The following RANBP2 variants were observed in gnomAD, a reference collection of about 807,000 sequenced individuals.
RANBP2 encodes E3 SUMO-protein ligase RanBP2.
RANBP2 carries 57 observed loss-of-function variants against 303.6 expected under a neutral mutation model. That is an observed-to-expected ratio of 0.19 (90% CI 0.15 to 0.23). RANBP2 has a LOEUF of 0.23. Ranked by LOEUF, RANBP2 falls within the 10% of genes least tolerant of loss-of-function variation. The probability of loss-of-function intolerance (pLI) is 1.00; values close to 1 mark genes in which losing one functional copy is unlikely to be tolerated. For missense variants in RANBP2, 3,138 were observed against 3,780.8 expected, an observed-to-expected ratio of 0.83 and a Z score of 4.46; for synonymous variants, 1,167 against 1,301.5, an observed-to-expected ratio of 0.90 and a Z score of 2.23.
At chr2:108,727,416 A>G (rs1055741488) in intron 1 of RANBP2, among the ~76,000 whole-genome samples, 4 of 152,140 alleles carry the variant, frequency 2.6e-5, no homozygotes, top group Admixed American at 2.6e-4. Context: ...CTTAGTTGAG[A>G]TGGACAAGAC....
the RANBP2 span, among the ~76,000 whole-genome samples, chr2:109,326,284 TAC>T: frequency 1.3e-5 from 2 of 152,238 alleles, no homozygotes; most frequent in African/African-American, 4.8e-5. Flanking sequence ...TTATGTAGTG[TAC>T]AGTTTTTCAT....
chr2:109,590,075 T>C, the RANBP2 span, among the ~76,000 whole-genome samples: 33 of 147,098 alleles, frequency 2.2e-4, no homozygotes, highest in East Asian at 6.0e-3. Context: ...TACACACACA[T>C]ATATATGTAT....
chr2:109,455,616 G>A, the RANBP2 span, among the ~76,000 whole-genome samples: 726 of 152,306 alleles, frequency 4.8e-3, 4 homozygotes, highest in African/African-American at 0.017. Flanking sequence ...GAAATCTTGA[G>A]GATGAAGCTC....
chr2:109,303,894 A>G, the RANBP2 span, among the ~76,000 whole-genome samples: 2 of 152,018 alleles, frequency 1.3e-5, no homozygotes, highest in African/African-American at 2.4e-5. Context: ...CATTGTTATT[A>G]TTTTTGGTAA....
the RANBP2 span, among the ~76,000 whole-genome samples, chr2:109,052,006 C>G: frequency 6.6e-6 from 1 of 152,214 alleles, no homozygotes; most frequent in Non-Finnish European, 1.5e-5. Context: ...CCTCGGCCTC[C>G]CAAAGTGCTG....
chr2:109,595,664 A>C, the RANBP2 span, among the ~76,000 whole-genome samples: 3 of 152,196 alleles, frequency 2.0e-5, no homozygotes, highest in Admixed American at 6.5e-5. Context: ...AAAAATCCCT[A>C]AACACCAGAA....
the RANBP2 span, among the ~76,000 whole-genome samples, chr2:109,110,107 A>G: frequency 6.6e-6 from 1 of 152,192 alleles, no homozygotes; most frequent in Non-Finnish European, 1.5e-5. Flanking sequence ...GCTGGAATAT[A>G]GAGCAGGGAG....
the RANBP2 span, among the ~76,000 whole-genome samples, chr2:109,079,270 T>C: frequency 2.6e-5 from 4 of 152,180 alleles, no homozygotes; most frequent in Non-Finnish European, 5.9e-5. Context: ...ATTTTCTTAA[T>C]ATTTTCTTTT....
At chr2:109,058,783 T>C in the RANBP2 span, among the ~76,000 whole-genome samples, 5 of 151,606 alleles carry the variant, frequency 3.3e-5, no homozygotes, top group South Asian at 2.1e-4. Flanking sequence ...GAGAGTAGAG[T>C]TGGTCTCCAA....
the RANBP2 span, among the ~76,000 whole-genome samples, chr2:108,794,114 ACAAG>A: frequency 6.6e-6 from 1 of 152,186 alleles, no homozygotes. Flanking sequence ...AAAAGGCAAA[ACAAG>A]CAAGGACTTT....
At chr2:109,071,484 G>A in the RANBP2 span, among the ~76,000 whole-genome samples, 1 of 152,110 alleles carries the variant, frequency 6.6e-6, no homozygotes, top group African/African-American at 2.4e-5. Flanking sequence ...GACCAGCCTG[G>A]CCAACATGGT....
the RANBP2 span, among the ~76,000 whole-genome samples, chr2:108,974,402 C>A: frequency 6.7e-6 from 1 of 150,254 alleles, no homozygotes; most frequent in African/African-American, 2.4e-5. Flanking sequence ...ACGATGGTAC[C>A]CTGTTTATGA....
the RANBP2 span, among the ~76,000 whole-genome samples, chr2:109,226,298 A>G: frequency 2.9e-3 from 438 of 152,314 alleles, 4 homozygotes; most frequent in African/African-American, 9.7e-3. Flanking sequence ...AAACAGATCA[A>G]TAAGCTCATT....
chr2:109,544,340 AC>A, the RANBP2 span: 1 of 1,584,536 alleles, frequency 6.3e-7, no homozygotes, highest in South Asian at 1.2e-5. Flanking sequence ...AAGAAAAAGA[AC>A]CTTTTGATTG....
the RANBP2 span, chr2:108,794,543 C>T: frequency 1.3e-4 from 200 of 1,593,196 alleles, no homozygotes; most frequent in Non-Finnish European, 1.5e-4. Context: ...TTTGCAGTTG[C>T]CTTGCCAACT....
the RANBP2 span, among the ~76,000 whole-genome samples, chr2:109,203,812 C>T: frequency 2.5e-5 from 3 of 117,856 alleles, no homozygotes; most frequent in African/African-American, 1.1e-4. Flanking sequence ...ATGCACGCCT[C>T]GACTCTGAAG....
the RANBP2 span, among the ~76,000 whole-genome samples, chr2:109,221,981 T>TAA: frequency 5.5e-5 from 8 of 145,478 alleles, no homozygotes; most frequent in African/African-American, 2.0e-4. Context: ...ATGAATGGAT[T>TAA]AAAAAAAAAA....
the RANBP2 span, among the ~76,000 whole-genome samples, chr2:109,716,839 G>A: frequency 1.1e-4 from 16 of 152,186 alleles, no homozygotes; most frequent in African/African-American, 2.9e-4. Context: ...ATGAGCCACC[G>A]CGCCCAGCCT....
At chr2:109,698,291 T>C in the RANBP2 span, among the ~76,000 whole-genome samples, 1 of 151,992 alleles carries the variant, frequency 6.6e-6, no homozygotes, top group African/African-American at 2.4e-5. Flanking sequence ...CACTTAAGTC[T>C]TTTAAATTTA....
Sources: allele counts gnomAD v4.1 joint callset (sites outside exome capture counted in the v4.1 genomes callset), GRCh38; gene constraint gnomAD v4.1.1; transcripts MANE v1.5; gene names NCBI Gene and HGNC (gene_info 2026-07-23, HGNC 2026-07-21).